Variants in ARHGAP15 observed in about 807,000 individuals in gnomAD.
ARHGAP15 encodes Rho GTPase activating protein 15, also known as rho GTPase-activating protein 15.
A neutral mutation model predicts 63.7 loss-of-function variants in ARHGAP15; 51 were observed. The ratio of observed to expected loss-of-function variants is 0.80; its 90% CI spans 0.64 to 1.01. The LOEUF (loss-of-function observed/expected upper bound fraction) is 1.01, where lower values mean the gene tolerates loss of function less well. Ranked by LOEUF, ARHGAP15 falls within the 50% of genes least tolerant of loss-of-function variation. The pLI is 0.00. For synonymous variants in ARHGAP15, 191 were observed against 193.8 expected (o/e 0.99, Z 0.12); for missense variants, 560 against 564.6 (o/e 0.99, Z 0.08).
chr2:143,433,871 A>G (rs549000074), intron 6 of ARHGAP15, among the ~76,000 whole-genome samples: 1 of 152,228 alleles, frequency 6.6e-6, no homozygotes, highest in South Asian at 2.1e-4. Flanking sequence ...TACATTCATA[A>G]TCAAAATATT....
At chr2:143,235,432 A>G (rs1337950289) in intron 5 of ARHGAP15, among the ~76,000 whole-genome samples, 3 of 152,128 alleles carry the variant, frequency 2.0e-5, no homozygotes, top group Non-Finnish European at 2.9e-5. Context: ...AACAAGGAGA[A>G]ATGAATTTTT....
intron 6 of ARHGAP15, among the ~76,000 whole-genome samples, chr2:143,317,204 A>G (rs1381323386): frequency 7.2e-6 from 1 of 138,470 alleles, no homozygotes; most frequent in Admixed American, 7.3e-5. Context: ...CTTGTCCCCC[A>G]GTGCCTATAA....
intron 1 of ARHGAP15, among the ~76,000 whole-genome samples, chr2:143,152,754 C>A (rs1469595914): frequency 1.3e-5 from 2 of 151,836 alleles, no homozygotes; most frequent in African/African-American, 2.4e-5. Context: ...AAGTCAATGA[C>A]CTTGCAGAGC....
At chr2:143,322,664 G>A (rs1469289957) in intron 6 of ARHGAP15, among the ~76,000 whole-genome samples, 1 of 152,178 alleles carries the variant, frequency 6.6e-6, no homozygotes, top group Non-Finnish European at 1.5e-5. Flanking sequence ...AAAACCAAAA[G>A]TCAGCATTAC....
chr2:143,435,108 C>T (rs1689551452), intron 6 of ARHGAP15, among the ~76,000 whole-genome samples: 1 of 152,052 alleles, frequency 6.6e-6, no homozygotes, highest in African/African-American at 2.4e-5. Flanking sequence ...TTATTCATTT[C>T]AATGAACTTT....
chr2:143,567,248 G>A (rs1248116293), intron 11 of ARHGAP15, among the ~76,000 whole-genome samples: 1 of 151,948 alleles, frequency 6.6e-6, no homozygotes, highest in Non-Finnish European at 1.5e-5. Context: ...TCCCTGTCTT[G>A]GTCTCCTCAG....
chr2:143,597,081 G>A (rs1697546779), intron 11 of ARHGAP15, among the ~76,000 whole-genome samples: 1 of 151,750 alleles, frequency 6.6e-6, no homozygotes, highest in Admixed American at 6.6e-5. Flanking sequence ...TCCTATTCTT[G>A]TCCTCTTCCT....
chr2:143,472,605 G>A (rs772742411), intron 8 of ARHGAP15, among the ~76,000 whole-genome samples: 1 of 151,896 alleles, frequency 6.6e-6, no homozygotes, highest in Non-Finnish European at 1.5e-5. Flanking sequence ...AGTATTGTGA[G>A]GTTTAATTGT....
At chr2:143,268,367 A>T (rs986067429) in intron 6 of ARHGAP15, among the ~76,000 whole-genome samples, 4 of 152,142 alleles carry the variant, frequency 2.6e-5, no homozygotes, top group Admixed American at 2.6e-4. Context: ...ACACCTTCTG[A>T]GGAAAAGCAG....
At chr2:143,412,868 C>A (rs1688502001) in intron 6 of ARHGAP15, among the ~76,000 whole-genome samples, 1 of 152,090 alleles carries the variant, frequency 6.6e-6, no homozygotes, top group Admixed American at 6.5e-5. Flanking sequence ...TTTCTCTGTG[C>A]TCCAGGTATG....
At chr2:143,389,978 A>T (rs1197530976) in intron 6 of ARHGAP15, among the ~76,000 whole-genome samples, 3 of 151,750 alleles carry the variant, frequency 2.0e-5, no homozygotes, top group Non-Finnish European at 4.4e-5. Context: ...TCATTTAAAA[A>T]CAGGGAGCTC....
chr2:143,622,665 G>A (rs1158208876), intron 11 of ARHGAP15, among the ~76,000 whole-genome samples: 1 of 151,664 alleles, frequency 6.6e-6, no homozygotes, highest in African/African-American at 2.4e-5. Context: ...AAGACTGAAA[G>A]GGAAGATTAG....
At chr2:143,324,874 A>G (rs1415820095) in intron 6 of ARHGAP15, among the ~76,000 whole-genome samples, 1 of 152,192 alleles carries the variant, frequency 6.6e-6, no homozygotes, top group Non-Finnish European at 1.5e-5. Context: ...CTAAGTGACT[A>G]GGCTGTGGCC....
chr2:143,273,312 C>G (rs866950821), intron 6 of ARHGAP15, among the ~76,000 whole-genome samples: 1 of 152,124 alleles, frequency 6.6e-6, no homozygotes, highest in South Asian at 2.1e-4. Context: ...GGAACTAATA[C>G]ATATTTTTGA....
chr2:143,408,396 A>G (rs1173010736), intron 6 of ARHGAP15, among the ~76,000 whole-genome samples: 1 of 151,394 alleles, frequency 6.6e-6, no homozygotes, highest in Non-Finnish European at 1.5e-5. Context: ...GAAACTCTGG[A>G]CCACACTATT....
chr2:143,375,511 T>A (rs76902304), intron 6 of ARHGAP15, among the ~76,000 whole-genome samples: 1,808 of 152,238 alleles, frequency 0.012, 20 homozygotes, highest in Non-Finnish European at 0.016. Flanking sequence ...ACATGTGGAA[T>A]GTCAGAGGAG....
At chr2:143,411,045 A>T (rs1162234166) in intron 6 of ARHGAP15, among the ~76,000 whole-genome samples, 3 of 152,130 alleles carry the variant, frequency 2.0e-5, no homozygotes, top group African/African-American at 7.2e-5. Flanking sequence ...TCTTTATTAA[A>T]AATATAAAAA....
intron 6 of ARHGAP15, among the ~76,000 whole-genome samples, chr2:143,351,968 G>T (rs917120372): frequency 6.6e-6 from 1 of 152,146 alleles, no homozygotes; most frequent in Non-Finnish European, 1.5e-5. Flanking sequence ...TTTACAAGAT[G>T]TGGATTTCCT....
chr2:143,393,703 G>A (rs1240312828), intron 6 of ARHGAP15, among the ~76,000 whole-genome samples: 1 of 131,962 alleles, frequency 7.6e-6, no homozygotes, highest in Non-Finnish European at 1.5e-5. Context: ...ACTCCAACCT[G>A]GGTGACAGAG....
Sources: gnomAD v4.1 joint callset for allele counts (sites outside exome capture counted in the v4.1 genomes callset) on GRCh38, gnomAD v4.1.1 for gene constraint, MANE v1.5 for transcripts, NCBI Gene and HGNC (gene_info 2026-07-23, HGNC 2026-07-21) for gene names.